XRRA1: variants seen among roughly 807,000 people sequenced by gnomAD.
The protein encoded by XRRA1 is X-ray radiation resistance-associated protein 1.
In XRRA1, 69 loss-of-function variants were observed where a neutral mutation model predicts 80.2. The ratio of observed to expected loss-of-function variants is 0.86; its 90% CI spans 0.71 to 1.05. XRRA1 has a LOEUF of 1.05. XRRA1 is among the 50% of genes least tolerant of loss of function. The pLI is 0.00. For synonymous variants in XRRA1, 348 were observed against 389.9 expected (o/e 0.89, Z 1.27); for missense variants, 967 against 976.4 (o/e 0.99, Z 0.13).
At chr11:74,850,043 G>C (rs529540634) in intron 14 of XRRA1, among the ~76,000 whole-genome samples, 2 of 152,278 alleles carry the variant, frequency 1.3e-5, no homozygotes, top group South Asian at 4.1e-4. Flanking sequence ...CATTAACAAA[G>C]CATTGATTTG....
At chr11:74,890,483 T>C (rs2050353472) in intron 10 of XRRA1, among the ~76,000 whole-genome samples, 1 of 151,900 alleles carries the variant, frequency 6.6e-6, no homozygotes, top group Admixed American at 6.6e-5. Flanking sequence ...AACATCACAA[T>C]TAAAAGAACT....
intron 10 of XRRA1, among the ~76,000 whole-genome samples, chr11:74,891,154 A>G (rs1352574739): frequency 2.6e-5 from 4 of 152,226 alleles, no homozygotes; most frequent in Non-Finnish European, 5.9e-5. Flanking sequence ...AAAATCCTCA[A>G]TAAAATACTG....
intron 12 of XRRA1, among the ~76,000 whole-genome samples, chr11:74,856,875 T>C (rs1174397418): frequency 1.3e-5 from 2 of 151,592 alleles, no homozygotes; most frequent in Non-Finnish European, 2.9e-5. Context: ...GCATCTTGGG[T>C]AGGGAAAAAA....
intron 10 of XRRA1, among the ~76,000 whole-genome samples, chr11:74,865,935 C>CAGTTTAG (rs879716664): frequency 0.036 from 5,487 of 152,312 alleles, 90 homozygotes; most frequent in Middle Eastern, 0.051. Flanking sequence ...TTTAGACCAT[C>CAGTTTAG]GCTCAGTGCT....
At chr11:74,883,522 A>T (rs1329579234) in intron 10 of XRRA1, among the ~76,000 whole-genome samples, 1 of 152,222 alleles carries the variant, frequency 6.6e-6, no homozygotes, top group African/African-American at 2.4e-5. Context: ...CTATTCGGCC[A>T]TCTTGGCTCC....
At chr11:74,864,747 T>C (rs7949034) in intron 10 of XRRA1, among the ~76,000 whole-genome samples, 1,729 of 152,344 alleles carry the variant, frequency 0.011, 21 homozygotes, top group Non-Finnish European at 0.017. Flanking sequence ...GCCGTTTTTC[T>C]GATCCACCCC....
chr11:74,909,786 C>T (rs1382434004), intron 8 of XRRA1: 4 of 152,112 alleles, frequency 2.6e-5, no homozygotes, highest in Admixed American at 2.6e-4. Context: ...CTTCTCTTGC[C>T]AAACAGAATT....
At chr11:74,877,201 A>G (rs2046233138) in intron 10 of XRRA1, among the ~76,000 whole-genome samples, 2 of 152,352 alleles carry the variant, frequency 1.3e-5, no homozygotes, top group Admixed American at 1.3e-4. Flanking sequence ...CTAGCCACCC[A>G]ATAATGTGTT....
chr11:74,940,530 A>G (rs116642842), intron 3 of XRRA1, among the ~76,000 whole-genome samples: 1,644 of 152,358 alleles, frequency 0.011, 33 homozygotes, highest in African/African-American at 0.035. Context: ...CACAGAGGAT[A>G]AGAGCAGGTT....
intron 12 of XRRA1, among the ~76,000 whole-genome samples, chr11:74,853,882 C>T (rs139812261): frequency 8.3e-4 from 126 of 151,984 alleles, no homozygotes; most frequent in African/African-American, 2.9e-3. Context: ...CAAGTAGGGG[C>T]CAAACAAAAG....
chr11:74,867,301 T>C (rs535817588), intron 10 of XRRA1, among the ~76,000 whole-genome samples: 57 of 152,244 alleles, frequency 3.7e-4, no homozygotes, highest in Admixed American at 2.8e-3. Context: ...CAGGAGAAAG[T>C]TGAAACCCAA....
In XRRA1 at chr11:74,843,154, AGCTGGG is replaced by A; in HGVS notation, c.*40_*45del. On this transcript the variant is annotated 3_prime_UTR_variant, in exon 19 of 19. Transcript: ENST00000684022. The stretch of plus-strand genomic sequence containing the variant: ...TCCAGGGCACAGAGCCCTCGGGGAG[AGCTGGG>A]GCACAGGCCGGGTGGTGCACACAGC... 2 of 1,517,134 alleles carry A rather than the reference AGCTGGG, an allele frequency of 1.3e-6. No homozygotes were observed. Among genetic ancestry groups the A allele is most frequent in the Non-Finnish European group, 1.8e-6 (2 of 1,128,144 alleles). The allele number at this position is 1,517,134 out of a possible 1,614,324, so 94.0% of individuals were successfully genotyped here. A position where few individuals can be genotyped will look rare whatever the true frequency, so the allele number is the denominator to read the frequency against.
At chr11:74,871,417 C>CG (rs1284518780) in intron 10 of XRRA1, among the ~76,000 whole-genome samples, 1 of 152,198 alleles carries the variant, frequency 6.6e-6, no homozygotes, top group Non-Finnish European at 1.5e-5. Flanking sequence ...GCCTGCACCC[C>CG]GCTCAAGTGC....
intron 10 of XRRA1, 66 bp downstream of exon 10, chr11:74,906,173 A>T: frequency 6.9e-7 from 1 of 1,451,094 alleles, no homozygotes; most frequent in Non-Finnish European, 9.5e-7. Context: ...AGACTTTCAG[A>T]ATAAACTCTC....
intron 10 of XRRA1, among the ~76,000 whole-genome samples, chr11:74,883,257 G>A (rs892645198): frequency 1.3e-5 from 2 of 152,246 alleles, no homozygotes; most frequent in African/African-American, 4.8e-5. Context: ...GTATTTGGGT[G>A]GGAGTGACCT....
intron 11 of XRRA1, among the ~76,000 whole-genome samples, 177 bp downstream of exon 11, chr11:74,862,804 C>G (rs192406036): frequency 6.6e-6 from 1 of 151,948 alleles, no homozygotes; most frequent in Non-Finnish European, 1.5e-5. Flanking sequence ...ATGTCTGTCT[C>G]TGGCCAGCAC....
intron 10 of XRRA1, among the ~76,000 whole-genome samples, chr11:74,897,065 A>T (rs953555125): frequency 6.6e-6 from 1 of 152,176 alleles, no homozygotes; most frequent in African/African-American, 2.4e-5. Flanking sequence ...GAGATGTATG[A>T]CCTTTCAGAC....
chr11:74,937,184 A>T (rs1945203529), intron 3 of XRRA1, 116 bp from the exon 4 acceptor site: 1 of 1,083,522 alleles, frequency 9.2e-7, no homozygotes, highest in East Asian at 2.6e-5. Context: ...TCTAACATGC[A>T]CCAGATACAA....
At chr11:74,900,174 CAATA>C (rs2137829597) in intron 10 of XRRA1, among the ~76,000 whole-genome samples, 1 of 151,046 alleles carries the variant, frequency 6.6e-6, no homozygotes, top group East Asian at 2.0e-4. Context: ...TCAAAAAAAT[CAATA>C]AAATAAATAA....
Sources: allele counts gnomAD v4.1 joint callset (sites outside exome capture counted in the v4.1 genomes callset), GRCh38; gene constraint gnomAD v4.1.1; transcripts MANE v1.5; gene names NCBI Gene and HGNC (gene_info 2026-07-23, HGNC 2026-07-21).